IGSF21: variants seen among roughly 807,000 people sequenced by gnomAD.
The protein encoded by IGSF21 is immunoglobin superfamily member 21.
Under a neutral mutation model 46.8 loss-of-function variants are expected in IGSF21, and 28 were observed. That is an observed-to-expected ratio of 0.60 (90% CI 0.44 to 0.82). The LOEUF is 0.82. IGSF21 is among the 40% of genes least tolerant of loss of function. The pLI is 0.00. For synonymous variants in IGSF21, 284 were observed against 273.6 expected, an observed-to-expected ratio of 1.04 and a Z score of -0.38; for missense variants, 624 against 665.5, an observed-to-expected ratio of 0.94 and a Z score of 0.69.
At chr1:18,242,272 C>T (rs189492942) in intron 2 of IGSF21, among the ~76,000 whole-genome samples, 17 of 152,244 alleles carry the variant, frequency 1.1e-4, no homozygotes, top group Admixed American at 3.9e-4. Context: ...GCCCCTTCTC[C>T]CCCACGCTGC....
chr1:18,305,351 A>G (rs2085410118), intron 3 of IGSF21, among the ~76,000 whole-genome samples: 1 of 150,684 alleles, frequency 6.6e-6, no homozygotes, highest in Non-Finnish European at 1.5e-5. Flanking sequence ...GCATGGATAG[A>G]TGGATAGATG....
At chr1:18,253,707 G>T (rs1204684312) in intron 2 of IGSF21, among the ~76,000 whole-genome samples, 1 of 152,182 alleles carries the variant, frequency 6.6e-6, no homozygotes, top group Admixed American at 6.5e-5. Context: ...GGAAGAGGAG[G>T]CAATGAAGCC....
chr1:18,237,183 C>T (rs1354135959), intron 2 of IGSF21, among the ~76,000 whole-genome samples: 1 of 152,048 alleles, frequency 6.6e-6, no homozygotes, highest in African/African-American at 2.4e-5. Context: ...AAGTGGCAGC[C>T]GAGAGCGTTT....
In IGSF21 at chr1:18,365,486, G is replaced by C. The variant is rs749270673; in HGVS notation, c.804G>C (p.Thr268=). Reference sequence around the variant, plus strand: ...CAACCACAGAGAACATACCAGAGACGGTCGTGAGCCGTGAGTTTCCCCGCT... The same window carrying C: ...CAACCACAGAGAACATACCAGAGACCGTCGTGAGCCGTGAGTTTCCCCGCT... The part of the protein sequence containing the change: ...LQPTTENIPE[T]VVSREFPRWV... Residue 268 remains threonine (T), a synonymous_variant, in exon 6 of 10, where the codon ACG becomes ACC. Coordinates refer to ENST00000251296, the MANE Select transcript of IGSF21 (RefSeq NM_032880.5). The surrounding 1 kb of genome is among the most constrained non-coding windows in gnomAD (Gnocchi z 4.8). 3 of 1,613,890 alleles carry C rather than the reference G, an allele frequency of 1.9e-6. No individual in the cohort carries two copies. Among genetic ancestry groups the C allele is most frequent in the Non-Finnish European group, 2.5e-6 (3 of 1,180,028 alleles).
intron 2 of IGSF21, among the ~76,000 whole-genome samples, chr1:18,242,117 T>C (rs1317257927): frequency 1.3e-5 from 2 of 152,162 alleles, no homozygotes; most frequent in African/African-American, 4.8e-5. Flanking sequence ...ACACAGAGGC[T>C]GTCAACGTCA....
chr1:18,150,767 G>A (rs1284147653), intron 1 of IGSF21, among the ~76,000 whole-genome samples: 1 of 152,202 alleles, frequency 6.6e-6, no homozygotes, highest in Non-Finnish European at 1.5e-5. Flanking sequence ...ACCCCATCAG[G>A]GACTCCAGCA....
At position 18,109,415 on chromosome 1, in the gene IGSF21, C is replaced by T. The variant is rs74056286; in HGVS notation, c.70+1217C>T. Reference sequence around the variant, plus strand: ...ATCAATAAGGTCTCGACCCCGAGCCCCACTGGATGATAGAGGTGGGCATCA... The same window carrying T: ...ATCAATAAGGTCTCGACCCCGAGCCTCACTGGATGATAGAGGTGGGCATCA... On this transcript the variant is annotated intron_variant, in intron 1 of 9. Transcript: ENST00000251296. The surrounding 1 kb of genome is among the most constrained non-coding windows in gnomAD (Gnocchi z 4.8). 8.5e-5 allele frequency: 13 copies of T among 152,120 alleles called. No homozygotes were observed. Among genetic ancestry groups the T allele is most frequent in the Non-Finnish European group, 4.4e-5 (3 of 68,034 alleles). The allele number at this position is 152,120 out of a possible 1,614,324, so 9.4% of individuals were successfully genotyped here.
intron 2 of IGSF21, among the ~76,000 whole-genome samples, chr1:18,254,858 TCATCCATCCATC>T (rs57304649): frequency 6.7e-6 from 1 of 150,356 alleles, no homozygotes; most frequent in Non-Finnish European, 1.5e-5. Context: ...ATCCATCCAT[TCATCCATCCATC>T]CATCCATCCA....
At chr1:18,188,093 A>G (rs2086921518) in intron 1 of IGSF21, among the ~76,000 whole-genome samples, 1 of 152,234 alleles carries the variant, frequency 6.6e-6, no homozygotes, top group African/African-American at 2.4e-5. Flanking sequence ...CTATTCAGCA[A>G]AGACTCTATC....
At chr1:18,165,141 A>G (rs915479575) in intron 1 of IGSF21, among the ~76,000 whole-genome samples, 10 of 152,046 alleles carry the variant, frequency 6.6e-5, no homozygotes, top group African/African-American at 2.2e-4. Context: ...GGAACTTTTC[A>G]TATGTTGAGG....
intron 8 of IGSF21, 71 bp downstream of exon 8, chr1:18,377,063 G>A: frequency 3.3e-6 from 5 of 1,497,190 alleles, no homozygotes; most frequent in Non-Finnish European, 4.5e-6. Context: ...GTTTCCCCAG[G>A]AGGAAGAAGC....
chr1:18,202,363 T>A (rs1483678067), intron 1 of IGSF21, among the ~76,000 whole-genome samples: 1 of 152,190 alleles, frequency 6.6e-6, no homozygotes, highest in Non-Finnish European at 1.5e-5. Context: ...GGTTACCACC[T>A]TCATTACTTT....
chr1:18,271,368 G>C (rs755688422), intron 2 of IGSF21, among the ~76,000 whole-genome samples: 1 of 152,178 alleles, frequency 6.6e-6, no homozygotes. Flanking sequence ...ATGTTTCCCA[G>C]TTTTAACACA....
chr1:18,171,851 G>A (rs1481832091), intron 1 of IGSF21, among the ~76,000 whole-genome samples: 1 of 152,220 alleles, frequency 6.6e-6, no homozygotes, highest in Non-Finnish European at 1.5e-5. Flanking sequence ...ATTGGTCTAA[G>A]GCTAAGCCAA....
chr1:18,315,987 G>A (rs529903478), intron 3 of IGSF21, among the ~76,000 whole-genome samples: 3 of 152,304 alleles, frequency 2.0e-5, no homozygotes, highest in Non-Finnish European at 4.4e-5. Context: ...AAGTCATTTG[G>A]TGTTCTTTAG....
chr1:18,376,824 T>C lies in IGSF21; in HGVS notation c.1126T>C (p.Phe376Leu). The C allele has an allele frequency of 1.2e-6, 2 of 1,600,940 alleles. No homozygotes were observed. Among genetic ancestry groups the C allele is most frequent in the Non-Finnish European group, 1.7e-6 (2 of 1,169,940 alleles). The change falls in exon 8 of 10, where the codon TTC becomes CTC. Residue 376 changes from phenylalanine (F) to leucine (L), a missense_variant. Coordinates refer to ENST00000251296, the MANE Select transcript of IGSF21 (RefSeq NM_032880.5). The part of the protein sequence containing the change: ...FQNEVFPEPM[F>L]TWTRVGSRLL... The stretch of plus-strand genomic sequence containing the variant: ...GAACGAAGTCTTCCCGGAGCCCATG[T>C]TCACGTGGACGCGGGTTGGGAGCCG...
intron 1 of IGSF21, among the ~76,000 whole-genome samples, chr1:18,179,703 TG>T (rs2086838196): frequency 1.3e-5 from 2 of 151,970 alleles, no homozygotes; most frequent in South Asian, 2.1e-4. Flanking sequence ...GGGGTCGGCT[TG>T]GGGGTGAGGG....
chr1:18,344,494 C>T (rs1318122876), intron 4 of IGSF21, among the ~76,000 whole-genome samples: 1 of 152,152 alleles, frequency 6.6e-6, no homozygotes, highest in Non-Finnish European at 1.5e-5. Context: ...TGCTGATCTC[C>T]TGTAGGCCTG....
At chr1:18,372,878 ATGGAT>A (rs1234754146) in intron 6 of IGSF21, among the ~76,000 whole-genome samples, 1 of 139,038 alleles carries the variant, frequency 7.2e-6, no homozygotes, top group Non-Finnish European at 1.6e-5. Flanking sequence ...GGATGGATGG[ATGGAT>A]GGATGGATGA....
Sources: gnomAD v4.1 joint callset for allele counts (sites outside exome capture counted in the v4.1 genomes callset) on GRCh38, gnomAD v4.1.1 for gene constraint, Gnocchi (gnomAD v3.1) non-coding constraint, MANE v1.5 for transcripts, NCBI Gene and HGNC (gene_info 2026-07-23, HGNC 2026-07-21) for gene names.